Variants in ACTC1 observed in about 807,000 individuals in gnomAD.
ACTC1 encodes the protein actin alpha cardiac muscle 1.
In ACTC1, 10 loss-of-function variants were observed where a neutral mutation model predicts 31.6. That is an observed-to-expected ratio of 0.32 (90% confidence interval 0.19 to 0.54). The LOEUF (loss-of-function observed/expected upper bound fraction) is 0.54, where lower values mean the gene tolerates loss of function less well. Among genes scored for constraint, ACTC1 ranks in the 20% least tolerant of loss-of-function variants. The pLI is 0.95. For missense variants in ACTC1, 129 were observed against 506.4 expected (o/e 0.25, Z 7.15); for synonymous variants, 196 against 185.0 (o/e 1.06, Z -0.48).
intron 1 of ACTC1, 105 bp from the exon 2 acceptor site, chr15:34,794,935 GA>G: frequency 3.2e-6 from 2 of 620,158 alleles, no homozygotes; most frequent in Non-Finnish European, 5.0e-6. Flanking sequence ...GTGGGGACTG[GA>G]CAGGGGGTTG....
In ACTC1 at chr15:34,792,702, C is replaced by A. The variant is rs749162596; in HGVS notation, c.455-133G>T. 2.2e-6 allele frequency: 2 copies of A among 919,594 alleles called. No individual in the cohort carries two copies. The highest frequency in any genetic ancestry group is 1.6e-5 in the African/African-American group (1 of 60,738). 57.0% of individuals were successfully genotyped at this position (919,594 alleles called of 1,614,324 possible). A position where few individuals can be genotyped will look rare whatever the true frequency, so the allele number is the denominator to read the frequency against. ...GCATTGATCCAGATAAAATTAGATT[C>A]CTTACACACAAAGAATAAAAATGCG... On this transcript the variant is annotated intron_variant, in intron 3 of 6. Transcript: ENST00000290378. This position sits in a 1 kb window ranked among gnomAD's most constrained non-coding sequence, Gnocchi z 5.3.
At position 34,794,755 on chromosome 15, in the gene ACTC1, C is replaced by G; in HGVS notation, c.54G>C (p.Leu18=). ...CATCGCCCGCAAAGCCGGCCTTCAC[C>G]AGCCCAGAGCCGTTGTCGCACACCA... The part of the protein sequence containing the change: ...TALVCDNGSG[L]VKAGFAGDDA... Residue 18 remains leucine (L), a synonymous_variant, in exon 2 of 7, where the codon CTG becomes CTC. Transcript: ENST00000290378. 1 of 1,613,674 alleles carries G rather than the reference C, an allele frequency of 6.2e-7. No individual in the cohort carries two copies. The highest frequency in any genetic ancestry group is 8.5e-7 in the Non-Finnish European group (1 of 1,179,860).
intron 5 of ACTC1, chr15:34,791,571 A>C (rs1891709463): frequency 1.3e-5 from 6 of 474,696 alleles, no homozygotes; most frequent in Non-Finnish European, 2.3e-5. Context: ...CAGATGTATG[A>C]AGATGTATTG....
Position 34,790,343 on chromosome 15 carries a change from G to A in ACTC1, c.*69C>T. 4 of 1,567,244 alleles carry A rather than the reference G, an allele frequency of 2.6e-6. No individual in the cohort carries two copies. Among genetic ancestry groups the A allele is most frequent in the Non-Finnish European group, 3.5e-6 (4 of 1,139,436 alleles). Reference sequence around the variant, plus strand: ...TGATTGATGAAAGATGAGGGAAGGTGGTTTGGAAGACTCCAAGAAGCATAA... The same window carrying A: ...TGATTGATGAAAGATGAGGGAAGGTAGTTTGGAAGACTCCAAGAAGCATAA... On this transcript the variant is annotated 3_prime_UTR_variant, in exon 7 of 7. Coordinates refer to ENST00000290378, the MANE Select transcript of ACTC1 (RefSeq NM_005159.5).
At position 34,792,813 on chromosome 15, in the gene ACTC1, GAC is replaced by G; in HGVS notation, c.455-246_455-245del. The G allele has an allele frequency of 1.8e-6, 1 of 557,460 alleles. No homozygotes were observed. The highest frequency in any genetic ancestry group is 3.2e-6 in the Non-Finnish European group (1 of 312,954). The allele number at this position is 557,460 out of a possible 1,614,324, so 34.5% of individuals were successfully genotyped here. A position where few individuals can be genotyped will look rare whatever the true frequency, so the allele number is the denominator to read the frequency against. ...AAAATTCCCGAGGACACTTTCAAATGACCATCTTTCTTGTCAGCCACGAGCAC... is the reference window on the plus strand; with the variant it reads ...AAAATTCCCGAGGACACTTTCAAATGCATCTTTCTTGTCAGCCACGAGCAC... On this transcript the variant is annotated intron_variant, in intron 3 of 6. Coordinates refer to ENST00000290378, the MANE Select transcript of ACTC1 (RefSeq NM_005159.5). The surrounding 1 kb of genome is among the most constrained non-coding windows in gnomAD (Gnocchi z 5.3).
At chr15:34,791,987 C>G in intron 5 of ACTC1, 103 bp downstream of exon 5, 1 of 1,296,532 alleles carries the variant, frequency 7.7e-7, no homozygotes, top group Non-Finnish European at 1.1e-6. Flanking sequence ...CAAACTATGA[C>G]TTCTTTTAAC....
At chr15:34,794,287 G>C (rs1449182398) in intron 2 of ACTC1, among the ~76,000 whole-genome samples, 1 of 152,256 alleles carries the variant, frequency 6.6e-6, no homozygotes, top group East Asian at 1.9e-4. Flanking sequence ...CATGAGAGAG[G>C]AATGTGGATT....
rs1891738673 is a variant in ACTC1 at position 34,793,026 on chromosome 15, G to A, written c.454+219C>T. Among the ~76,000 whole-genome samples the A allele has an allele frequency of 6.6e-6, 1 of 152,194 alleles. No homozygotes were observed. The highest frequency in any genetic ancestry group is 6.5e-5 in the Admixed American group (1 of 15,288). On this transcript the variant is annotated intron_variant, in intron 3 of 6. Transcript: ENST00000290378. The surrounding 1 kb of genome is among the most constrained non-coding windows in gnomAD (Gnocchi z 4.8). ...TGCTACACTGCGCTGAGCTTTAAATGAGGGAAGGACCTATCTCCACAAGCT... is the reference window on the plus strand; with the variant it reads ...TGCTACACTGCGCTGAGCTTTAAATAAGGGAAGGACCTATCTCCACAAGCT...
intron 5 of ACTC1, chr15:34,791,844 T>C: frequency 1.9e-6 from 1 of 527,876 alleles, no homozygotes; most frequent in South Asian, 2.1e-5. Flanking sequence ...TACGTGCTAT[T>C]CAGTTACTAC....
At position 34,790,451 on chromosome 15, in the gene ACTC1, A is replaced by G. The variant is rs1003523293; in HGVS notation, c.1095T>C (p.Asp365=). 1 of 1,614,188 alleles carries G rather than the reference A, an allele frequency of 6.2e-7. No individual in the cohort carries two copies. The highest frequency in any genetic ancestry group is 8.5e-7 in the Non-Finnish European group (1 of 1,180,018). ...GGTGGACAATGGATGGGCCTGCCTC[A>G]TCGTACTCTTGCTTGCTAATCCACA... is the stretch of plus-strand genomic sequence containing the variant. ...QQMWISKQEY[D]EAGPSIVHRK... is the part of the protein sequence containing the mutation. The change falls in exon 7 of 7, where the codon GAT becomes GAC. Residue 365 remains aspartate, a synonymous_variant. Coordinates refer to ENST00000290378, the MANE Select transcript of ACTC1 (RefSeq NM_005159.5).
At chr15:34,794,267 T>G (rs1045679929) in intron 2 of ACTC1, among the ~76,000 whole-genome samples, 3 of 152,222 alleles carry the variant, frequency 2.0e-5, no homozygotes, top group Non-Finnish European at 2.9e-5. Context: ...CCCTGTAAAC[T>G]GGCTGTGAAC....
chr15:34,793,492 C>G lies in ACTC1; in HGVS notation c.207G>C (p.Leu69=). The change falls in exon 3 of 7, where the codon CTG becomes CTC. Residue 69 remains leucine (L), a synonymous_variant. Coordinates refer to ENST00000290378, the MANE Select transcript of ACTC1 (RefSeq NM_005159.5). The surrounding 1 kb of genome is among the most constrained non-coding windows in gnomAD (Gnocchi z 4.8). ...TGATACCATGCTCGATGGGATACTT[C>G]AGGGTCAGGATGCCTCTCTTGCTCT... ...EAQSKRGILT[L]KYPIEHGIIT... 1 of 1,614,134 alleles carries G rather than the reference C, an allele frequency of 6.2e-7. No individual in the cohort carries two copies. Among genetic ancestry groups the G allele is most frequent in the South Asian group, 1.1e-5 (1 of 91,080 alleles).
At chr15:34,791,023 A>T in intron 6 of ACTC1, 91 bp downstream of exon 6, 1 of 1,253,174 alleles carries the variant, frequency 8.0e-7, no homozygotes, top group South Asian at 1.6e-5. Flanking sequence ...GGAGACAAGA[A>T]ACTGAGTATG....
intron 1 of ACTC1, 119 bp from the exon 2 acceptor site, chr15:34,794,949 CGGGG>C: frequency 1.6e-5 from 4 of 256,362 alleles, no homozygotes; most frequent in Non-Finnish European, 2.9e-5. Flanking sequence ...GGGGGTTGGG[CGGGG>C]AACACTCCTG....
At chr15:34,791,442 T>A in intron 5 of ACTC1, 147 bp from the exon 6 acceptor site, 1 of 1,165,486 alleles carries the variant, frequency 8.6e-7, no homozygotes. Context: ...AAACATATGT[T>A]CCCCTATAAG....
At position 34,792,071 on chromosome 15, in the gene ACTC1, A is replaced by G. The variant is rs780321005; in HGVS notation, c.808+19T>C. On this transcript the variant is annotated intron_variant, in intron 5 of 6. Transcript: ENST00000290378. The surrounding 1 kb of genome is among the most constrained non-coding windows in gnomAD (Gnocchi z 5.3). The stretch of plus-strand genomic sequence containing the variant: ...TTTCCAGGGAAAATCGTGCCTCTGC[A>G]CCAGACCCTACAACTCACCAATGAA... 17 of 1,613,890 alleles carry G rather than the reference A, an allele frequency of 1.1e-5. No individual in the cohort carries two copies. Among genetic ancestry groups the G allele is most frequent in the Non-Finnish European group, 1.4e-5 (17 of 1,179,954 alleles).
In ACTC1 at chr15:34,791,349, A is replaced by ACACAT. The variant is rs1555418726; in HGVS notation, c.809-59_809-55dup. On this transcript the variant is annotated intron_variant, in intron 5 of 6. Coordinates refer to ENST00000290378, the MANE Select transcript of ACTC1 (RefSeq NM_005159.5). ...CACACACACACACACACACACACACACACATCACAGTGCATTCAGGTCAAG... is the reference window on the plus strand; with the variant it reads ...CACACACACACACACACACACACACACACATCACATCACAGTGCATTCAGGTCAAG... 20 of 1,393,014 alleles carry ACACAT rather than the reference A, an allele frequency of 1.4e-5. No homozygotes were observed. In the African/African-American group the frequency reaches 2.4e-4, roughly 17 times the overall value. The allele number at this position is 1,393,014 out of a possible 1,614,324, so 86.3% of individuals were successfully genotyped here.
At position 34,792,573 on chromosome 15, in the gene ACTC1, C is replaced by T. The variant is rs746508669; in HGVS notation, c.455-4G>A. ...TCCCCAGAGTCCAGAACAATGCCTGCCCGGGGAAGTAGACAAGAACAAGGT... is the reference window on the plus strand; with the variant it reads ...TCCCCAGAGTCCAGAACAATGCCTGTCCGGGGAAGTAGACAAGAACAAGGT... On this transcript the variant is annotated splice_polypyrimidine_tract_variant and splice_region_variant and intron_variant, in intron 3 of 6. Transcript: ENST00000290378. This position sits in a 1 kb window ranked among gnomAD's most constrained non-coding sequence, Gnocchi z 5.3. 11 of 1,614,016 alleles carry T rather than the reference C, an allele frequency of 6.8e-6. No homozygotes were observed. The highest frequency in any genetic ancestry group is 2.2e-5 in the South Asian group (2 of 91,086).
rs1175630739 is a variant in ACTC1 at position 34,791,306 on chromosome 15, G to T, written c.809-11C>A. On this transcript the variant is annotated splice_polypyrimidine_tract_variant and intron_variant, in intron 5 of 6. Coordinates refer to ENST00000290378, the MANE Select transcript of ACTC1 (RefSeq NM_005159.5). ...CAGCAGATTCCATACCTGGGAACGAGTCACACACACACACACACACACACA... is the reference window on the plus strand; with the variant it reads ...CAGCAGATTCCATACCTGGGAACGATTCACACACACACACACACACACACA... 47 of 1,430,036 alleles carry T rather than the reference G, an allele frequency of 3.3e-5. No homozygotes were observed. The highest frequency in any genetic ancestry group is 4.0e-5 in the Non-Finnish European group (42 of 1,051,418). The allele number at this position is 1,430,036 out of a possible 1,614,324, so 88.6% of individuals were successfully genotyped here.
Sources: allele counts gnomAD v4.1 joint callset (sites outside exome capture counted in the v4.1 genomes callset), GRCh38; gene constraint gnomAD v4.1.1; non-coding constraint Gnocchi (gnomAD v3.1); transcripts MANE v1.5; gene names NCBI Gene and HGNC (gene_info 2026-07-23, HGNC 2026-07-21).